The following PROCR variants were observed in gnomAD, a reference collection of about 807,000 sequenced individuals.
PROCR encodes endothelial protein C receptor.
PROCR carries 22 observed loss-of-function variants against 24.2 expected under a neutral mutation model. The ratio of observed to expected loss-of-function variants is 0.91; its 90% CI spans 0.65 to 1.30. PROCR has a LOEUF of 1.30. PROCR is among the 50% of genes most tolerant of loss of function. PROCR has a pLI of 0.00. For missense variants in PROCR, 288 were observed against 307.7 expected, an observed-to-expected ratio of 0.94 and a Z score of 0.48; for synonymous variants, 137 against 139.2, an observed-to-expected ratio of 0.98 and a Z score of 0.11.
At chr20:35,178,513 T>TTTTTTTG (rs2086047090), downstream of PROCR, among the ~76,000 whole-genome samples, 1 of 41,900 alleles carries the variant, frequency 2.4e-5, no homozygotes, top group Non-Finnish European at 4.2e-5. Flanking sequence ...CTCAGTTTTT[T>TTTTTTTG]TTTTTTTTTT....
At chr20:35,175,039 A>C (rs868292419) in intron 2 of PROCR, 86 bp downstream of exon 2, 3 of 1,015,544 alleles carry the variant, frequency 3.0e-6, no homozygotes, top group Admixed American at 3.7e-5. Context: ...TGGCGGATGG[A>C]GGCGGGCTGG....
Position 35,215,954 on chromosome 20 carries a change from T to G in PROCR, c.*51T>G, listed in dbSNP as rs1010892792. 4.6e-6 allele frequency: 4 copies of G among 869,800 alleles called. No individual in the cohort carries two copies. The African/African-American group carries it at 5.5e-5, about 12-fold the overall frequency. 53.9% of individuals were successfully genotyped at this position (869,800 alleles called of 1,614,324 possible). Reference sequence around the variant, plus strand: ...GGCTCACTCCTGTAATCCCAGCACTTTGGGAGGCCGAGGCAGGAGGATCAC... The same window carrying G: ...GGCTCACTCCTGTAATCCCAGCACTGTGGGAGGCCGAGGCAGGAGGATCAC... On this transcript the variant is annotated 3_prime_UTR_variant, in exon 2 of 2. Transcript: ENST00000634509.
intron 1 of PROCR, among the ~76,000 whole-genome samples, chr20:35,173,301 A>G (rs1471499192): frequency 2.6e-5 from 4 of 152,016 alleles, no homozygotes; most frequent in Admixed American, 1.3e-4. Flanking sequence ...GATACACACT[A>G]ATATATGGTG....
chr20:35,179,356 A>G (rs745789138), downstream of PROCR, among the ~76,000 whole-genome samples: 36 of 152,026 alleles, frequency 2.4e-4, no homozygotes, highest in Non-Finnish European at 4.1e-4. Context: ...AGCCTAGACA[A>G]CATAGTGAGA....
chr20:35,203,472 T>C (rs1479335385), intron 1 of PROCR, among the ~76,000 whole-genome samples: 1 of 151,622 alleles, frequency 6.6e-6, no homozygotes, highest in Non-Finnish European at 1.5e-5. Context: ...AGACGAACTC[T>C]TGGGCGTGAT....
At chr20:35,202,747 A>G (rs974722047) in intron 1 of PROCR, 1 of 152,238 alleles carries the variant, frequency 6.6e-6, no homozygotes, top group Non-Finnish European at 1.5e-5. Flanking sequence ...ATCCACAGTC[A>G]TAACTGGGAG....
intron 1 of PROCR, among the ~76,000 whole-genome samples, chr20:35,197,576 C>A (rs552407694): frequency 1.5e-3 from 230 of 152,178 alleles, no homozygotes; most frequent in Admixed American, 4.3e-3. Context: ...GTAATCCCAG[C>A]ACTTTGGGAG....
intron 1 of PROCR, among the ~76,000 whole-genome samples, chr20:35,185,001 CT>C (rs1283195110): frequency 8.0e-6 from 1 of 125,692 alleles, no homozygotes; most frequent in Non-Finnish European, 1.6e-5. Context: ...TATCCAGAAT[CT>C]ACAATGAACT....
At chr20:35,193,302 A>T (rs965399984) in intron 1 of PROCR, among the ~76,000 whole-genome samples, 57 of 151,870 alleles carry the variant, frequency 3.8e-4, no homozygotes, top group African/African-American at 1.4e-3. Flanking sequence ...CAGCCCCCCG[A>T]GTAGTTGGGC....
At chr20:35,185,425 T>C (rs752618914) in intron 1 of PROCR, among the ~76,000 whole-genome samples, 2 of 152,230 alleles carry the variant, frequency 1.3e-5, no homozygotes, top group Admixed American at 6.5e-5. Flanking sequence ...TCAAAAAAGA[T>C]ACTTGCACAC....
At chr20:35,188,368 T>G (rs1600742467) in intron 1 of PROCR, among the ~76,000 whole-genome samples, 1 of 152,266 alleles carries the variant, frequency 6.6e-6, no homozygotes, top group South Asian at 2.1e-4. Context: ...AAGAAAGAGA[T>G]CTGGGAAGGC....
chr20:35,175,243 ACTC>A (rs1193834196), intron 2 of PROCR, among the ~76,000 whole-genome samples: 1 of 144,490 alleles, frequency 6.9e-6, no homozygotes, highest in Non-Finnish European at 1.5e-5. Flanking sequence ...TCCCCAGAAA[ACTC>A]CTCACCCCTC....
intron 1 of PROCR, among the ~76,000 whole-genome samples, chr20:35,199,285 C>T (rs1410419667): frequency 6.6e-6 from 1 of 152,166 alleles, no homozygotes; most frequent in Non-Finnish European, 1.5e-5. Context: ...AGACCTACTG[C>T]TCAGGAAAAA....
At chr20:35,172,669 G>C (rs1029139238) in intron 1 of PROCR, among the ~76,000 whole-genome samples, 7 of 152,080 alleles carry the variant, frequency 4.6e-5, no homozygotes, top group Non-Finnish European at 1.0e-4. Flanking sequence ...AGAGAGGTTA[G>C]GGGAGGCTAG....
intron 1 of PROCR, among the ~76,000 whole-genome samples, chr20:35,214,024 G>A (rs763785511): frequency 9.2e-5 from 14 of 151,866 alleles, no homozygotes; most frequent in South Asian, 2.1e-4. Flanking sequence ...TCGGTGAGCC[G>A]AGACTGTGCC....
chr20:35,206,536 A>T (rs2060343629), intron 1 of PROCR, among the ~76,000 whole-genome samples: 1 of 151,290 alleles, frequency 6.6e-6, no homozygotes, highest in South Asian at 2.1e-4. Context: ...ACAATTTTTT[A>T]AAAAGGCAAA....
chr20:35,204,814 A>C (rs1475159239), intron 1 of PROCR, among the ~76,000 whole-genome samples: 2 of 152,232 alleles, frequency 1.3e-5, no homozygotes, highest in African/African-American at 4.8e-5. Flanking sequence ...AATTTGAAAA[A>C]GATAACAAGA....
At chr20:35,182,769 T>G (rs2086088555) in intron 1 of PROCR, among the ~76,000 whole-genome samples, 1 of 151,848 alleles carries the variant, frequency 6.6e-6, no homozygotes, top group Non-Finnish European at 1.5e-5. Flanking sequence ...TGAGGTCAGG[T>G]GTTCGAGACC....
At chr20:35,178,275 G>T (rs145950324), downstream of PROCR, among the ~76,000 whole-genome samples, 124 of 150,846 alleles carry the variant, frequency 8.2e-4, 5 homozygotes, top group East Asian at 0.024. Context: ...TTGGTGGCAC[G>T]CGCCTGTAAT....
Sources: gnomAD v4.1 joint callset for allele counts (sites outside exome capture counted in the v4.1 genomes callset) on GRCh38, gnomAD v4.1.1 for gene constraint, MANE v1.5 for transcripts, NCBI Gene and HGNC (gene_info 2026-07-23, HGNC 2026-07-21) for gene names.